Variants in AKAP9 observed in about 807,000 individuals in gnomAD.
AKAP9 encodes the protein A-kinase anchoring protein 9.
In AKAP9, 311 loss-of-function variants were observed where a neutral mutation model predicts 488.5. The ratio of observed to expected loss-of-function variants is 0.64; its 90% CI spans 0.58 to 0.70. The LOEUF (loss-of-function observed/expected upper bound fraction) is 0.70, where lower values mean the gene tolerates loss of function less well. AKAP9 is among the 30% of genes least tolerant of loss of function. The pLI is 0.00. For missense variants in AKAP9, 4,215 were observed against 4,374.5 expected (o/e 0.96, Z 1.03); for synonymous variants, 1,462 against 1,483.5 (o/e 0.99, Z 0.33).
chr7:91,959,606 A>T (rs901479939), intron 1 of AKAP9, among the ~76,000 whole-genome samples: 3 of 152,136 alleles, frequency 2.0e-5, no homozygotes, highest in Non-Finnish European at 4.4e-5. Flanking sequence ...TCCAACAAAC[A>T]TTTGTGTCTA....
rs552306779 is a variant in AKAP9 at position 91,966,090 on chromosome 7, C to G, written c.49-7621C>G. Among the ~76,000 whole-genome samples, 5 of 152,232 alleles carry G rather than the reference C, an allele frequency of 3.3e-5. No individual in the cohort carries two copies. In the South Asian group the frequency reaches 1.0e-3, roughly 32 times the overall value. On this transcript the variant is annotated intron_variant, in intron 1 of 49. Coordinates refer to ENST00000356239, the MANE Select transcript of AKAP9 (RefSeq NM_005751.5). ...TTTGTAGAGATAGATCTATGTCTCA[C>G]TATGTTATCCAGGCCAGTCTCAAAC...
At chr7:91,947,193 TG>T (rs1372848370) in intron 1 of AKAP9, among the ~76,000 whole-genome samples, 2 of 151,798 alleles carry the variant, frequency 1.3e-5, no homozygotes, top group Non-Finnish European at 2.9e-5. Context: ...TGTGTGTGTG[TG>T]TGCTGGAGAG....
chr7:91,960,946 A>G (rs1254778789), intron 1 of AKAP9, among the ~76,000 whole-genome samples: 1 of 152,228 alleles, frequency 6.6e-6, no homozygotes, highest in East Asian at 1.9e-4. Flanking sequence ...TGCTGAGTTT[A>G]TGAAATTGTG....
chr7:92,033,728 A>T (rs940200182), intron 16 of AKAP9, among the ~76,000 whole-genome samples: 3 of 152,088 alleles, frequency 2.0e-5, no homozygotes, highest in African/African-American at 7.2e-5. Flanking sequence ...GTGAGCCACC[A>T]TGCCTGGCTG....
At chr7:92,057,219 A>G (rs939529519) in intron 22 of AKAP9, among the ~76,000 whole-genome samples, 1 of 152,128 alleles carries the variant, frequency 6.6e-6, no homozygotes, top group African/African-American at 2.4e-5. Context: ...TGCTTGAAAG[A>G]TGAGTAATAT....
intron 1 of AKAP9, among the ~76,000 whole-genome samples, chr7:91,944,481 G>C (rs570204500): frequency 2.4e-4 from 36 of 151,738 alleles, no homozygotes; most frequent in Non-Finnish European, 4.3e-4. Context: ...CCACCTCCCA[G>C]GTTCAAGCGA....
chr7:92,055,126 T>C (rs962642613), intron 22 of AKAP9, among the ~76,000 whole-genome samples: 2 of 152,094 alleles, frequency 1.3e-5, no homozygotes, highest in Non-Finnish European at 2.9e-5. Context: ...GAATATGTAA[T>C]TTATTCCCAT....
intron 1 of AKAP9, among the ~76,000 whole-genome samples, chr7:91,947,703 T>A (rs1281245192): frequency 6.6e-6 from 1 of 152,246 alleles, no homozygotes; most frequent in Non-Finnish European, 1.5e-5. Context: ...AATCTTATGA[T>A]GTGTACCTCA....
At chr7:92,016,677 T>A (rs1031651774) in intron 11 of AKAP9, among the ~76,000 whole-genome samples, 10 of 152,090 alleles carry the variant, frequency 6.6e-5, no homozygotes, top group African/African-American at 2.2e-4. Flanking sequence ...TTAATATAGA[T>A]CTGCTATAAG....
intron 18 of AKAP9, 105 bp downstream of exon 18, chr7:92,041,003 A>AT (rs1382324723): frequency 1.3e-5 from 12 of 936,450 alleles, no homozygotes; most frequent in African/African-American, 8.2e-5. Context: ...ATGTAGCCAT[A>AT]ATTTTTTTTT....
chr7:92,101,179 A>G (rs957579400), intron 45 of AKAP9, 123 bp downstream of exon 45: 20 of 915,760 alleles, frequency 2.2e-5, no homozygotes, highest in Non-Finnish European at 2.9e-5. Flanking sequence ...GTTCACGCCT[A>G]TAGTCCCAGC....
intron 31 of AKAP9, 75 bp from the exon 32 acceptor site, chr7:92,082,447 A>G (rs1193597264): frequency 6.7e-7 from 1 of 1,502,146 alleles, no homozygotes; most frequent in East Asian, 2.3e-5. Flanking sequence ...TGGTTTTATT[A>G]GAATGTATAA....
rs542747044 is a variant in AKAP9, at chr7:92,083,470, A to G, written c.8461A>G (p.Ile2821Val). Residue 2821 changes from isoleucine (I) to valine (V), a missense_variant, in exon 33 of 50, where the codon ATC becomes GTC. Coordinates refer to ENST00000356239, the MANE Select transcript of AKAP9 (RefSeq NM_005751.5). ...TTCCTCAGAAGAAGTTACTGAAATA[A>G]TCAGTCAGTTTACTGAAAAAATTGA... is the stretch of plus-strand genomic sequence containing the variant. The part of the protein sequence containing the change: ...ECSSEEVTEI[I>V]SQFTEKIEKM... 7 of 1,613,540 alleles carry G rather than the reference A, an allele frequency of 4.3e-6. No individual in the cohort carries two copies. The highest frequency in any genetic ancestry group is 4.5e-5 in the East Asian group (2 of 44,856).
intron 15 of AKAP9, among the ~76,000 whole-genome samples, chr7:92,031,005 T>G (rs1314713456): frequency 1.3e-5 from 2 of 152,260 alleles, no homozygotes; most frequent in East Asian, 3.8e-4. Flanking sequence ...TGATGATTGG[T>G]AAATAAAGAA....
intron 42 of AKAP9, among the ~76,000 whole-genome samples, 155 bp from the exon 43 acceptor site, chr7:92,097,954 A>G (rs1816899084): frequency 6.6e-6 from 1 of 152,228 alleles, no homozygotes; most frequent in South Asian, 2.1e-4. Context: ...AAATGTCTGA[A>G]AACAACTATC....
chr7:92,034,542 G>A (rs540471716), intron 16 of AKAP9, among the ~76,000 whole-genome samples: 15 of 123,544 alleles, frequency 1.2e-4, no homozygotes, highest in Non-Finnish European at 1.6e-4. Context: ...CACTCTTGTC[G>A]CCAGGCTGGA....
chr7:92,004,490 C>T (rs567079471), intron 8 of AKAP9, among the ~76,000 whole-genome samples: 2 of 152,190 alleles, frequency 1.3e-5, no homozygotes, highest in South Asian at 2.1e-4. Context: ...TCTTTTATTT[C>T]GTTGAGCAGT....
intron 17 of AKAP9, among the ~76,000 whole-genome samples, chr7:92,039,528 T>G (rs1431103379): frequency 6.6e-6 from 1 of 152,250 alleles, no homozygotes; most frequent in Non-Finnish European, 1.5e-5. Flanking sequence ...ACTTATTTAT[T>G]AATAGAAGAT....
intron 5 of AKAP9, 62 bp downstream of exon 5, chr7:91,993,117 A>G (rs1027056137): frequency 1.3e-6 from 2 of 1,577,544 alleles, no homozygotes; most frequent in African/African-American, 2.7e-5. Context: ...GGAAATGTGA[A>G]TAATAGTAGT....
Sources: gnomAD v4.1 joint callset for allele counts (sites outside exome capture counted in the v4.1 genomes callset) on GRCh38, gnomAD v4.1.1 for gene constraint, MANE v1.5 for transcripts, NCBI Gene and HGNC (gene_info 2026-07-23, HGNC 2026-07-21) for gene names.